The following HIBCH variants were observed in gnomAD, a reference collection of about 807,000 sequenced individuals.
The protein encoded by HIBCH is 3-hydroxyisobutyryl-CoA hydrolase, mitochondrial.
A neutral mutation model predicts 58.2 loss-of-function variants in HIBCH; 50 were observed. That is an observed-to-expected ratio of 0.86 (90% CI 0.68 to 1.09). The LOEUF is 1.09. HIBCH is among the 50% of genes least tolerant of loss of function. The pLI is 0.00. For missense variants in HIBCH, 450 were observed against 449.7 expected, an observed-to-expected ratio of 1.00 and a Z score of -0.01; for synonymous variants, 151 against 146.9, an observed-to-expected ratio of 1.03 and a Z score of -0.20.
chr2:190,303,000 A>C (rs1394371222), intron 2 of HIBCH, among the ~76,000 whole-genome samples: 1 of 152,186 alleles, frequency 6.6e-6, no homozygotes, highest in Admixed American at 6.6e-5. Context: ...TACTAGGTTT[A>C]AATTAGTAAG....
In HIBCH at chr2:190,296,937, G is replaced by A; in HGVS notation, c.95C>T (p.Thr32Ile). 1 of 1,613,974 alleles carries A rather than the reference G, an allele frequency of 6.2e-7. No individual in the cohort carries two copies. Among genetic ancestry groups the A allele is most frequent in the Admixed American group, 1.7e-5 (1 of 60,006 alleles). ...CAATAGCACCTCTTCTGCTGCATCT[G>A]TGTGCTTGGACATTCTCTGTATAAA... Reference protein sequence around the residue: ...ILHHLRMSKHTDAAEEVLLEK... With the variant: ...ILHHLRMSKHIDAAEEVLLEK... Residue 32 changes from threonine to isoleucine, a missense_variant, in exon 3 of 14, where the codon ACA (threonine) becomes ATA (isoleucine). Thr to Ile is a moderately conservative substitution (Grantham distance 89, BLOSUM62 -1). Coordinates refer to ENST00000359678, the MANE Select transcript of HIBCH (RefSeq NM_014362.4).
chr2:190,269,889 G>C (rs1162479566), intron 6 of HIBCH, among the ~76,000 whole-genome samples: 1 of 152,058 alleles, frequency 6.6e-6, no homozygotes. Context: ...ATACTATGCA[G>C]CCATAAAAAA....
At chr2:190,225,747 G>A (rs1241014707) in intron 11 of HIBCH, among the ~76,000 whole-genome samples, 1 of 152,078 alleles carries the variant, frequency 6.6e-6, no homozygotes, top group African/African-American at 2.4e-5. Flanking sequence ...AGAAAAAGAG[G>A]GAATCCTCCC....
chr2:190,196,706 T>G (rs533379857), intron 1 of HIBCH, among the ~76,000 whole-genome samples: 6 of 152,320 alleles, frequency 3.9e-5, no homozygotes, highest in African/African-American at 1.2e-4. Flanking sequence ...TTGAACTTAG[T>G]CAAATGTGGT....
intron 8 of HIBCH, among the ~76,000 whole-genome samples, chr2:190,251,240 G>A (rs1366676): frequency 0.033 from 5,063 of 152,098 alleles, 141 homozygotes; most frequent in East Asian, 0.14. Flanking sequence ...TTTCCTTGCC[G>A]TATCCTAAAA....
At chr2:190,265,819 C>G (rs1373377226) in intron 6 of HIBCH, among the ~76,000 whole-genome samples, 1 of 152,082 alleles carries the variant, frequency 6.6e-6, no homozygotes, top group Non-Finnish European at 1.5e-5. Context: ...CTCTTGTAAT[C>G]TTTTTAATGG....
intron 11 of HIBCH, among the ~76,000 whole-genome samples, chr2:190,233,268 T>G (rs10204936): frequency 0.034 from 5,150 of 152,234 alleles, 145 homozygotes; most frequent in East Asian, 0.14. Flanking sequence ...ATGACACCAC[T>G]GAGAGAGAAA....
At chr2:190,290,522 T>C in intron 4 of HIBCH, 37 bp from the exon 5 acceptor site, 1 of 1,286,592 alleles carries the variant, frequency 7.8e-7, no homozygotes, top group Non-Finnish European at 1.1e-6. Context: ...AAAAAAAGAT[T>C]TAATAGTCAA....
At chr2:190,250,443 C>G in intron 8 of HIBCH, 1 of 460,174 alleles carries the variant, frequency 2.2e-6, no homozygotes, top group South Asian at 1.6e-5. Flanking sequence ...ATCGCATCCC[C>G]AAAGTATATT....
At chr2:190,190,096 A>G (rs1368740177) in intron 1 of HIBCH, 1 of 152,254 alleles carries the variant, frequency 6.6e-6, no homozygotes, top group African/African-American at 2.4e-5. Flanking sequence ...TTACAGTGAA[A>G]TACAGTAAAC....
Position 190,287,716 on chromosome 2 carries a change from T to C in HIBCH, c.386-78A>G, listed in dbSNP as rs151002369. 26 of 1,028,494 alleles carry C rather than the reference T, an allele frequency of 2.5e-5. 2 individuals are homozygous for C. Among genetic ancestry groups the C allele is most frequent in the South Asian group, 2.1e-4 (15 of 70,984 alleles). The allele number at this position is 1,028,494 out of a possible 1,614,324, so 63.7% of individuals were successfully genotyped here. ...TTTTCTTAAAAAAAAACCCACATTA[T>C]ATATACTCAAGATTTTCCCTAGGAA... is the stretch of plus-strand genomic sequence containing the variant. On this transcript the variant is annotated intron_variant, in intron 5 of 13. Coordinates refer to ENST00000359678, the MANE Select transcript of HIBCH (RefSeq NM_014362.4).
At chr2:190,252,723 A>T (rs1686809646) in intron 7 of HIBCH, among the ~76,000 whole-genome samples, 1 of 152,216 alleles carries the variant, frequency 6.6e-6, no homozygotes, top group East Asian at 1.9e-4. Context: ...AATTATTACC[A>T]TTTAAATCAT....
chr2:190,282,170 C>T (rs1006571365), intron 6 of HIBCH, among the ~76,000 whole-genome samples: 2 of 152,196 alleles, frequency 1.3e-5, no homozygotes, highest in Non-Finnish European at 2.9e-5. Context: ...ATTCCAAAGC[C>T]ACTTCCACAA....
intron 1 of HIBCH, among the ~76,000 whole-genome samples, chr2:190,195,361 T>C (rs1023254198): frequency 2.6e-5 from 4 of 152,190 alleles, no homozygotes; most frequent in African/African-American, 9.6e-5. Context: ...TGCTGGATCA[T>C]ACAGTAAGAA....
At chr2:190,287,027 C>CGTGTGTGT (rs56811939) in intron 6 of HIBCH, among the ~76,000 whole-genome samples, 28,930 of 142,024 alleles carry the variant, frequency 0.2, 3,208 homozygotes, top group Admixed American at 0.33. Context: ...TAGCATATAA[C>CGTGTGTGT]GTGTGTGTGT....
At chr2:190,290,588 C>T in intron 4 of HIBCH, 103 bp from the exon 5 acceptor site, 1 of 769,520 alleles carries the variant, frequency 1.3e-6, no homozygotes, top group Non-Finnish European at 2.2e-6. Flanking sequence ...GAAGGGAGTA[C>T]TCTAAAATGA....
At chr2:190,303,324 A>G (rs527759813) in intron 2 of HIBCH, among the ~76,000 whole-genome samples, 1 of 152,232 alleles carries the variant, frequency 6.6e-6, no homozygotes, top group South Asian at 2.1e-4. Context: ...TCCAAATGCA[A>G]TTCTCCAATA....
intron 1 of HIBCH, among the ~76,000 whole-genome samples, chr2:190,317,603 G>A (rs933998472): frequency 6.6e-6 from 1 of 152,172 alleles, no homozygotes; most frequent in Non-Finnish European, 1.5e-5. Context: ...AAACCTTAGC[G>A]AGATTAACCT....
At chr2:190,195,362 A>G (rs982504781) in intron 1 of HIBCH, among the ~76,000 whole-genome samples, 13 of 152,172 alleles carry the variant, frequency 8.5e-5, no homozygotes, top group African/African-American at 3.1e-4. Context: ...GCTGGATCAT[A>G]CAGTAAGAAT....
Sources: allele counts gnomAD v4.1 joint callset (sites outside exome capture counted in the v4.1 genomes callset), GRCh38; gene constraint gnomAD v4.1.1; transcripts MANE v1.5; gene names NCBI Gene and HGNC (gene_info 2026-07-23, HGNC 2026-07-21).